The following CAPN7 variants were observed in gnomAD, a reference collection of about 807,000 sequenced individuals.
The protein encoded by CAPN7 is calpain 7, also known as calpain-7.
Under a neutral mutation model 115.2 loss-of-function variants are expected in CAPN7, and 72 were observed. The observed-to-expected ratio is 0.63, with a 90% CI of 0.52 to 0.76. The LOEUF (loss-of-function observed/expected upper bound fraction) is 0.76. Ranked by LOEUF, CAPN7 falls within the 30% of genes least tolerant of loss-of-function variation. CAPN7 has a pLI of 0.00. For synonymous variants in CAPN7, 344 were observed against 322.3 expected (o/e 1.07, Z -0.72); for missense variants, 905 against 971.5 (o/e 0.93, Z 0.91).
At chr3:15,226,804 C>T (rs556097911) in intron 6 of CAPN7, among the ~76,000 whole-genome samples, 5 of 151,930 alleles carry the variant, frequency 3.3e-5, no homozygotes, top group African/African-American at 1.2e-4. Flanking sequence ...GTTTGTAGAT[C>T]ATACTTGACC....
chr3:15,217,337 G>A (rs1693689005), intron 2 of CAPN7, 88 bp from the exon 3 acceptor site: 1 of 1,168,706 alleles, frequency 8.6e-7, no homozygotes, highest in African/African-American at 1.6e-5. Context: ...CAGGGTTTTG[G>A]TAAAAAATGT....
chr3:15,215,629 G>C (rs1204039296), intron 2 of CAPN7, among the ~76,000 whole-genome samples: 1 of 152,130 alleles, frequency 6.6e-6, no homozygotes, highest in Non-Finnish European at 1.5e-5. Context: ...TGAGTTTAAT[G>C]TTTGCAAGAT....
chr3:15,232,513 C>T lies in CAPN7; in HGVS notation c.1033-6C>T. 6.3e-7 allele frequency: 1 copy of T among 1,595,544 alleles called. No individual in the cohort carries two copies. Among genetic ancestry groups the T allele is most frequent in the Non-Finnish European group, 8.5e-7 (1 of 1,173,390 alleles). ...ACCTAAGAAGGTTAATGTTCTCTTTCTCCAGGTGATAATTGATGACCAGTT... is the reference window on the plus strand; with the variant it reads ...ACCTAAGAAGGTTAATGTTCTCTTTTTCCAGGTGATAATTGATGACCAGTT... On this transcript the variant is annotated splice_region_variant and splice_polypyrimidine_tract_variant and intron_variant, in intron 9 of 20. Coordinates refer to ENST00000253693, the MANE Select transcript of CAPN7 (RefSeq NM_014296.3).
At chr3:15,223,878 A>C (rs1403711735) in intron 6 of CAPN7, among the ~76,000 whole-genome samples, 9 of 152,196 alleles carry the variant, frequency 5.9e-5, no homozygotes, top group Non-Finnish European at 4.4e-5. Flanking sequence ...ACAGTAAAGA[A>C]ACTGAATGGA....
rs753787029 is a variant in CAPN7, at chr3:15,220,778, T to C, written c.438-3T>C. On this transcript the variant is annotated splice_region_variant and splice_polypyrimidine_tract_variant and intron_variant, in intron 4 of 20. Transcript: ENST00000253693. The stretch of plus-strand genomic sequence containing the variant: ...AACAGTTGTTTGTTCCTCTCTGTTA[T>C]AGAGCAGAAGCGCTGAGTGAGCCTT... 8.7e-6 allele frequency: 14 copies of C among 1,613,962 alleles called. No homozygotes were observed. The highest frequency in any genetic ancestry group is 5.0e-5 in the Admixed American group (3 of 60,006).
chr3:15,238,849 ATT>A (rs59838740), intron 12 of CAPN7, among the ~76,000 whole-genome samples: 210 of 113,978 alleles, frequency 1.8e-3, no homozygotes, highest in African/African-American at 6.8e-3. Context: ...GCAAAATCAA[ATT>A]TTTTTTTTTT....
At chr3:15,224,596 A>G (rs1243043423) in intron 6 of CAPN7, among the ~76,000 whole-genome samples, 1 of 146,170 alleles carries the variant, frequency 6.8e-6, no homozygotes, top group East Asian at 1.9e-4. Context: ...TCATGTATTT[A>G]TAGATGCATA....
chr3:15,211,038 C>T (rs141891129), intron 1 of CAPN7: 16 of 660,794 alleles, frequency 2.4e-5, no homozygotes, highest in African/African-American at 3.9e-5. Context: ...CATAACTGGT[C>T]GTGGAAGTTA....
At chr3:15,248,409 C>T (rs1448348387) in intron 19 of CAPN7, among the ~76,000 whole-genome samples, 3 of 152,052 alleles carry the variant, frequency 2.0e-5, no homozygotes, top group African/African-American at 7.2e-5. Flanking sequence ...GAATACATAC[C>T]ATGTGATTCT....
At chr3:15,242,342 G>A (rs1575236999) in intron 16 of CAPN7, 89 bp downstream of exon 16, 3 of 773,482 alleles carry the variant, frequency 3.9e-6, no homozygotes, top group Non-Finnish European at 6.1e-6. Flanking sequence ...ATTTTATGTA[G>A]ATAATATAGA....
At chr3:15,211,752 A>C (rs938665169) in intron 1 of CAPN7, among the ~76,000 whole-genome samples, 5 of 152,050 alleles carry the variant, frequency 3.3e-5, no homozygotes, top group Non-Finnish European at 5.9e-5. Context: ...AAAATTAACC[A>C]GGTATGGTGG....
intron 5 of CAPN7, among the ~76,000 whole-genome samples, chr3:15,222,343 T>C (rs1694054621): frequency 6.6e-6 from 1 of 152,172 alleles, no homozygotes; most frequent in Middle Eastern, 3.2e-3. Flanking sequence ...TCTGAACCAG[T>C]GTAGCTAGGA....
chr3:15,249,157 T>C (rs1485649362), intron 19 of CAPN7, among the ~76,000 whole-genome samples: 2 of 152,194 alleles, frequency 1.3e-5, no homozygotes, highest in African/African-American at 2.4e-5. Context: ...AAACTATTTT[T>C]CCACAAGAAA....
chr3:15,244,601 G>C (rs919018273), intron 16 of CAPN7, among the ~76,000 whole-genome samples: 2 of 152,068 alleles, frequency 1.3e-5, no homozygotes, highest in African/African-American at 4.8e-5. Context: ...TTTTCTGATA[G>C]GTCCCATTAT....
chr3:15,223,637 T>G, intron 6 of CAPN7, 76 bp downstream of exon 6: 1 of 869,222 alleles, frequency 1.2e-6, no homozygotes, highest in Non-Finnish European at 1.8e-6. Flanking sequence ...TTAATAGCCT[T>G]GAAATTAAAA....
At chr3:15,237,539 G>C (rs918476885) in intron 12 of CAPN7, among the ~76,000 whole-genome samples, 12 of 152,160 alleles carry the variant, frequency 7.9e-5, no homozygotes, top group Non-Finnish European at 1.3e-4. Context: ...CCCCAGCCAT[G>C]CTCTATAGAA....
chr3:15,207,697 CACCTCGTCAGGATCATCA>C (rs1397521574), intron 1 of CAPN7, among the ~76,000 whole-genome samples: 1 of 151,344 alleles, frequency 6.6e-6, no homozygotes, highest in Non-Finnish European at 1.5e-5. Context: ...CCTAGGCCTA[CACCTCGTCAGGATCATCA>C]ATATTACTGT....
In CAPN7 at chr3:15,220,969, T is replaced by C. The variant is rs1693946081; in HGVS notation, c.626T>C (p.Ile209Thr). Residue 209 changes from isoleucine to threonine, a missense_variant, in exon 5 of 21, where the codon ATA becomes ACA. Ile to Thr is a moderately conservative substitution (Grantham distance 89). Transcript: ENST00000253693. ...AQGQRYTAEE[I>T]EVLRTTSKIN... ...GGACAGAGATACACAGCAGAAGAAATAGAAGTACTCAGGTAAATAAGTTTA... is the reference window on the plus strand; with the variant it reads ...GGACAGAGATACACAGCAGAAGAAACAGAAGTACTCAGGTAAATAAGTTTA... 6.2e-7 allele frequency: 1 copy of C among 1,613,122 alleles called. No individual in the cohort carries two copies. The highest frequency in any genetic ancestry group is 8.5e-7 in the Non-Finnish European group (1 of 1,179,148).
intron 12 of CAPN7, among the ~76,000 whole-genome samples, chr3:15,238,849 A>ATTTTTTTTTT (rs59838740): frequency 2.5e-4 from 28 of 113,988 alleles, no homozygotes; most frequent in African/African-American, 2.7e-4. Context: ...GCAAAATCAA[A>ATTTTTTTTTT]TTTTTTTTTT....
Sources: gnomAD v4.1 joint callset for allele counts (sites outside exome capture counted in the v4.1 genomes callset) on GRCh38, gnomAD v4.1.1 for gene constraint, MANE v1.5 for transcripts, NCBI Gene and HGNC (gene_info 2026-07-23, HGNC 2026-07-21) for gene names.